The following RRAS2 variants were observed in gnomAD, a reference collection of about 807,000 sequenced individuals.
RRAS2 encodes RAS related 2, also known as ras-related protein R-Ras2.
Under a neutral mutation model 27.6 loss-of-function variants are expected in RRAS2, and 7 were observed. The ratio of observed to expected loss-of-function variants is 0.25; its 90% confidence interval spans 0.14 to 0.48. The LOEUF is 0.48. RRAS2 is among the 20% of genes least tolerant of loss of function. The pLI is 0.99. For synonymous variants in RRAS2, 86 were observed against 90.9 expected (o/e 0.95, Z 0.31); for missense variants, 178 against 256.2 (o/e 0.69, Z 2.08).
chr11:14,323,768 C>A (rs1429389568), intron 1 of RRAS2, among the ~76,000 whole-genome samples: 1 of 152,022 alleles, frequency 6.6e-6, no homozygotes, highest in Non-Finnish European at 1.5e-5. Context: ...AATAAACATA[C>A]ATGAAAAGAG....
chr11:14,323,663 C>T (rs926341234), intron 1 of RRAS2, among the ~76,000 whole-genome samples: 2 of 152,030 alleles, frequency 1.3e-5, no homozygotes, highest in African/African-American at 2.4e-5. Flanking sequence ...GGAGGAAATA[C>T]ACCCCCCAAG....
chr11:14,287,922 C>T (rs1436473383), intron 4 of RRAS2, among the ~76,000 whole-genome samples: 2 of 150,762 alleles, frequency 1.3e-5, no homozygotes, highest in African/African-American at 4.9e-5. Flanking sequence ...TTAATTAATT[C>T]ATGGTCTACA....
intron 1 of RRAS2, among the ~76,000 whole-genome samples, chr11:14,341,269 C>T (rs1199300446): frequency 6.6e-5 from 10 of 152,148 alleles, no homozygotes; most frequent in East Asian, 1.9e-4. Flanking sequence ...TTCTTTCAAT[C>T]GGTAAACCTA....
Position 14,358,383 on chromosome 11 carries a change from C to G in RRAS2, c.108+380G>C. 1 of 985,514 alleles carries G rather than the reference C, an allele frequency of 1.0e-6. No homozygotes were observed. Among genetic ancestry groups the G allele is most frequent in the South Asian group, 4.7e-5 (1 of 21,292 alleles). 61.0% of individuals were successfully genotyped at this position (985,514 alleles called of 1,614,324 possible). On this transcript the variant is annotated intron_variant, in intron 1 of 5. Transcript: ENST00000256196. This position sits in a 1 kb window ranked among gnomAD's most constrained non-coding sequence, Gnocchi z 5.1. ...GCCGCAGGCGGCTGGAAAAGCAGCG[C>G]GCGGGGCTCCAGCTCCAGCCCCACG...
chr11:14,299,567 C>A (rs553798401), intron 1 of RRAS2, among the ~76,000 whole-genome samples: 1 of 152,316 alleles, frequency 6.6e-6, no homozygotes, highest in Admixed American at 6.5e-5. Context: ...CCAGTTTGAT[C>A]TGTGTTGTTC....
chr11:14,359,085 C>G lies in RRAS2; in HGVS notation c.-215G>C. The G allele has an allele frequency of 9.2e-7, 1 of 1,086,240 alleles. No homozygotes were observed. Among genetic ancestry groups the G allele is most frequent in the Non-Finnish European group, 1.1e-6 (1 of 895,810 alleles). The allele number at this position is 1,086,240 out of a possible 1,614,324, so 67.3% of individuals were successfully genotyped here. On this transcript the variant is annotated 5_prime_UTR_variant, in exon 1 of 6. Coordinates refer to ENST00000256196, the MANE Select transcript of RRAS2 (RefSeq NM_012250.6). ...GAGGCGCGGAGAAGCGGGGTGACGG[C>G]ACGGGCCAGGGGCGGCAGCGGCCGG...
intron 1 of RRAS2, among the ~76,000 whole-genome samples, chr11:14,352,973 A>G (rs1848995801): frequency 6.6e-6 from 1 of 151,752 alleles, no homozygotes. Context: ...TAATTTTTGT[A>G]TTTTTAGTAG....
chr11:14,301,220 G>C (rs1847694205), intron 1 of RRAS2, among the ~76,000 whole-genome samples: 2 of 152,136 alleles, frequency 1.3e-5, no homozygotes, highest in South Asian at 4.2e-4. Context: ...TATGGTTGTA[G>C]GTTCTCTGGA....
At chr11:14,300,488 G>A (rs114814391) in intron 1 of RRAS2, among the ~76,000 whole-genome samples, 303 of 152,250 alleles carry the variant, frequency 2.0e-3, no homozygotes, top group African/African-American at 6.8e-3. Context: ...ACTGAGGTCA[G>A]GGGATTGCTT....
intron 1 of RRAS2, among the ~76,000 whole-genome samples, chr11:14,325,160 C>T (rs1451931353): frequency 6.6e-6 from 1 of 152,166 alleles, no homozygotes; most frequent in Non-Finnish European, 1.5e-5. Flanking sequence ...AGCCCTCAAA[C>T]TTACCCTGAT....
chr11:14,320,202 G>T (rs1848195346), intron 1 of RRAS2, among the ~76,000 whole-genome samples: 1 of 152,158 alleles, frequency 6.6e-6, no homozygotes, highest in African/African-American at 2.4e-5. Context: ...AATGCACGGT[G>T]CTGATTTTAT....
At chr11:14,332,342 GAACT>G (rs1167459774) in intron 1 of RRAS2, among the ~76,000 whole-genome samples, 3 of 152,000 alleles carry the variant, frequency 2.0e-5, no homozygotes, top group Non-Finnish European at 2.9e-5. Flanking sequence ...CAATAAAAAA[GAACT>G]AACTACTAGC....
chr11:14,307,915 C>T (rs781948936), intron 1 of RRAS2, among the ~76,000 whole-genome samples: 2 of 151,838 alleles, frequency 1.3e-5, no homozygotes, highest in African/African-American at 2.4e-5. Context: ...CTTATCCTGC[C>T]GATAGGTCTG....
chr11:14,285,985 T>C (rs1432498785), intron 4 of RRAS2, among the ~76,000 whole-genome samples: 1 of 152,236 alleles, frequency 6.6e-6, no homozygotes, highest in African/African-American at 2.4e-5. Flanking sequence ...TTTCATCAAA[T>C]GTGGAAATTT....
intron 1 of RRAS2, among the ~76,000 whole-genome samples, chr11:14,329,361 G>T (rs1035768697): frequency 6.6e-6 from 1 of 152,060 alleles, no homozygotes; most frequent in South Asian, 2.1e-4. Context: ...TGATCCACCC[G>T]CCTCAGCTTC....
At chr11:14,353,288 G>A (rs1237798382) in intron 1 of RRAS2, among the ~76,000 whole-genome samples, 2 of 152,084 alleles carry the variant, frequency 1.3e-5, no homozygotes, top group Non-Finnish European at 2.9e-5. Flanking sequence ...ATCTACCAAG[G>A]GAAAGCAGTA....
chr11:14,343,351 A>C (rs782204270), intron 1 of RRAS2, among the ~76,000 whole-genome samples: 1 of 152,262 alleles, frequency 6.6e-6, no homozygotes, highest in Non-Finnish European at 1.5e-5. Flanking sequence ...CTTAGGCTTC[A>C]TAATAGTAAG....
chr11:14,323,960 A>C (rs1554950662), intron 1 of RRAS2, among the ~76,000 whole-genome samples: 2 of 145,980 alleles, frequency 1.4e-5, no homozygotes, highest in African/African-American at 5.0e-5. Context: ...AAAAAGGATA[A>C]GAAAATGTCA....
intron 1 of RRAS2, among the ~76,000 whole-genome samples, chr11:14,328,614 T>C (rs1554951442): frequency 6.6e-6 from 1 of 151,376 alleles, no homozygotes; most frequent in South Asian, 2.1e-4. Context: ...AAAAAATATA[T>C]ACATGACACA....
Sources: allele counts gnomAD v4.1 joint callset (sites outside exome capture counted in the v4.1 genomes callset), GRCh38; gene constraint gnomAD v4.1.1; non-coding constraint Gnocchi (gnomAD v3.1); transcripts MANE v1.5; gene names NCBI Gene and HGNC (gene_info 2026-07-23, HGNC 2026-07-21).